C10orf105: variants seen among roughly 807,000 people sequenced by gnomAD.
C10orf105 encodes the protein chromosome 10 open reading frame 105, also known as uncharacterized protein C10orf105.
A neutral mutation model predicts 0.6 loss-of-function variants in C10orf105; 2 were observed. The observed-to-expected ratio is 3.18, with a 90% confidence interval of 1.30 to 10.01. The LOEUF is 10.01. C10orf105 is among the 30% of genes most tolerant of loss of function. The probability of loss-of-function intolerance (pLI) is 0.04; values close to 1 mark genes in which losing one functional copy is unlikely to be tolerated. For synonymous variants in C10orf105, 95 were observed against 82.4 expected (o/e 1.15, Z -0.83); for missense variants, 209 against 191.4 (o/e 1.09, Z -0.54).
At chr10:71,730,347 G>A (rs1839329270) in intron 1 of C10orf105, 1 of 1,295,590 alleles carries the variant, frequency 7.7e-7, no homozygotes, top group Non-Finnish European at 1.1e-6. Context: ...TGGGGTCCTA[G>A]AGGGAGCTCA....
chr10:71,719,165 G>A (rs2132783848), intron 1 of C10orf105, among the ~76,000 whole-genome samples: 1 of 152,306 alleles, frequency 6.6e-6, no homozygotes, highest in South Asian at 2.1e-4. Flanking sequence ...CTAAGTGCTT[G>A]AAAACAACAC....
chr10:71,718,253 G>A (rs934057627), intron 1 of C10orf105, among the ~76,000 whole-genome samples: 8 of 152,278 alleles, frequency 5.3e-5, no homozygotes, highest in South Asian at 2.1e-4. Flanking sequence ...TTCCCCACCC[G>A]AGGGACTCCT....
In C10orf105 at chr10:71,716,245, C is replaced by T. The variant is rs1362904027; in HGVS notation, c.93G>A (p.Glu31=). The change falls in exon 2 of 2, where the codon GAG becomes GAA. Residue 31 remains glutamate (E), a synonymous_variant. Coordinates refer to ENST00000441508, the MANE Select transcript of C10orf105 (RefSeq NM_001164375.3). ...SAPVTPGTLA[E]ATDPLPMLIA... is the part of the protein sequence containing the mutation. The stretch of plus-strand genomic sequence containing the variant: ...TGAGCATGGGGAGGGGGTCAGTTGC[C>T]TCTGCAAGGGTCCCGGGAGTGACGG... 3.2e-6 allele frequency: 5 copies of T among 1,549,582 alleles called. No individual in the cohort carries two copies. Among genetic ancestry groups the T allele is most frequent in the Admixed American group, 2.0e-5 (1 of 50,776 alleles).
intron 1 of C10orf105, chr10:71,734,802 C>T (rs1839509371): frequency 3.9e-6 from 2 of 515,600 alleles, no homozygotes; most frequent in South Asian, 1.4e-5. Flanking sequence ...CCAGTGCCTC[C>T]ACTCTCACAC....
Position 71,715,990 on chromosome 10 carries a change from C to G in C10orf105, c.348G>C (p.Pro116=), listed in dbSNP as rs754712347. Reference sequence around the variant, plus strand: ...AGTGGCTGCGGTTGTCCTCGGGGCCCGGCAGGGGCTGTCGAGGGACGGTGG... The same window carrying G: ...AGTGGCTGCGGTTGTCCTCGGGGCCGGGCAGGGGCTGTCGAGGGACGGTGG... ...GRPTVPRQPL[P]GPEDNRSHCD... The change falls in exon 2 of 2, where the codon CCG becomes CCC. Residue 116 remains proline, a synonymous_variant. Coordinates refer to ENST00000441508, the MANE Select transcript of C10orf105 (RefSeq NM_001164375.3). 6.7e-7 allele frequency: 1 copy of G among 1,495,530 alleles called. No individual in the cohort carries two copies. The highest frequency in any genetic ancestry group is 8.9e-7 in the Non-Finnish European group (1 of 1,122,030). 92.6% of individuals were successfully genotyped at this position (1,495,530 alleles called of 1,614,324 possible).
At chr10:71,717,104 C>G (rs901477352) in intron 1 of C10orf105, 1 of 152,260 alleles carries the variant, frequency 6.6e-6, no homozygotes, top group African/African-American at 2.4e-5. Flanking sequence ...CCAACTTGCT[C>G]CCACGACAGG....
Position 71,713,271 on chromosome 10 carries a change from C to T in C10orf105, c.*2665G>A. The T allele has an allele frequency of 1.3e-6, 1 of 779,356 alleles. No individual in the cohort carries two copies. The allele number at this position is 779,356 out of a possible 1,614,324, so 48.3% of individuals were successfully genotyped here. A position where few individuals can be genotyped will look rare whatever the true frequency, so the allele number is the denominator to read the frequency against. On this transcript the variant is annotated 3_prime_UTR_variant, in exon 2 of 2. Transcript: ENST00000441508. Reference sequence around the variant, plus strand: ...AGAAAGGGCTCCTTTGCCCAGGGAGCAGGCGCAACAGCTCCAAGGCTCAGA... The same window carrying T: ...AGAAAGGGCTCCTTTGCCCAGGGAGTAGGCGCAACAGCTCCAAGGCTCAGA...
Position 71,730,415 on chromosome 10 carries a change from G to T in C10orf105, c.-6+7313C>A, listed in dbSNP as rs376983154. On this transcript the variant is annotated intron_variant, in intron 1 of 1. Coordinates refer to the C10orf105 transcript ENST00000398786. ...GCGGCCACAGTGGGCCAAGCCCTGGGCTTCCCAGCCTCCACCCCACCCTGA... is the reference window on the plus strand; with the variant it reads ...GCGGCCACAGTGGGCCAAGCCCTGGTCTTCCCAGCCTCCACCCCACCCTGA... The T allele has an allele frequency of 7.0e-5, 112 of 1,595,410 alleles. No homozygotes were observed. The East Asian group carries it at 9.9e-4, about 14-fold the overall frequency.
At chr10:71,716,386 A>G (rs536051171) in intron 1 of C10orf105, 44 bp from the exon 2 acceptor site, 2 of 1,438,894 alleles carry the variant, frequency 1.4e-6, no homozygotes, top group East Asian at 5.1e-5. Context: ...GATCAGCTGG[A>G]CCCAGGGCAG....
chr10:71,722,482 G>A (rs7075202), upstream of C10orf105, among the ~76,000 whole-genome samples: 5,590 of 152,288 alleles, frequency 0.037, 372 homozygotes, highest in African/African-American at 0.13. Context: ...TCCTCTCCCT[G>A]GAGCTCTGCT....
upstream of C10orf105, chr10:71,724,104 T>A (rs773089340): frequency 6.4e-7 from 1 of 1,557,072 alleles, no homozygotes; most frequent in Non-Finnish European, 8.7e-7. Context: ...GCATCCTCCA[T>A]GGTAAGTGGG....
intron 1 of C10orf105, among the ~76,000 whole-genome samples, chr10:71,735,324 TG>T (rs1426211663): frequency 2.6e-5 from 4 of 152,092 alleles, no homozygotes; most frequent in Non-Finnish European, 4.4e-5. Flanking sequence ...GACCATGTGC[TG>T]GGCCCCTGGG....
At chr10:71,732,789 A>G (rs1282132147) in intron 1 of C10orf105, 1 of 895,784 alleles carries the variant, frequency 1.1e-6, no homozygotes, top group Non-Finnish European at 1.4e-6. Flanking sequence ...ACCTCTGGTC[A>G]TCGAAGTGTG....
intron 1 of C10orf105, among the ~76,000 whole-genome samples, chr10:71,729,736 G>A (rs975359267): frequency 6.6e-6 from 1 of 152,108 alleles, no homozygotes; most frequent in African/African-American, 2.4e-5. Context: ...TATTTGATTG[G>A]GATCACTTTG....
chr10:71,731,644 A>G (rs1564763420), intron 1 of C10orf105, among the ~76,000 whole-genome samples: 1 of 152,158 alleles, frequency 6.6e-6, no homozygotes, highest in African/African-American at 2.4e-5. Flanking sequence ...CTCCACTACA[A>G]GAGATCCTTC....
chr10:71,718,356 C>A (rs1423539629), intron 1 of C10orf105, among the ~76,000 whole-genome samples: 1 of 151,924 alleles, frequency 6.6e-6, no homozygotes, highest in Admixed American at 6.5e-5. Context: ...ACCCCACCTC[C>A]CACCCATTCC....
At chr10:71,724,249 G>A, upstream of C10orf105, 2 of 800,056 alleles carry the variant, frequency 2.5e-6, no homozygotes, top group Non-Finnish European at 4.1e-6. Flanking sequence ...GGAGGAAACA[G>A]GGACATTCTC....
chr10:71,722,116 C>T (rs1160138065), upstream of C10orf105, among the ~76,000 whole-genome samples: 1 of 152,116 alleles, frequency 6.6e-6, no homozygotes, highest in East Asian at 1.9e-4. Context: ...ATTAGGGCTT[C>T]GGGTGGCAAG....
chr10:71,725,659 G>T (rs1476053930), intron 1 of C10orf105: 2 of 1,052,606 alleles, frequency 1.9e-6, no homozygotes, highest in Non-Finnish European at 2.7e-6. Flanking sequence ...TGGGCCTAAG[G>T]GTTCGGTGAC....
Sources: gnomAD v4.1 joint callset for allele counts (sites outside exome capture counted in the v4.1 genomes callset) on GRCh38, gnomAD v4.1.1 for gene constraint, MANE v1.5 for transcripts, NCBI Gene and HGNC (gene_info 2026-07-23, HGNC 2026-07-21) for gene names.